Variants in MDFIC observed in about 807,000 individuals in gnomAD.
MDFIC encodes MyoD family inhibitor domain containing, also known as myoD family inhibitor domain-containing protein.
In MDFIC, 17 loss-of-function variants were observed where a neutral mutation model predicts 23.2. The ratio of observed to expected loss-of-function variants is 0.73; its 90% CI spans 0.50 to 1.10. The LOEUF is 1.10. MDFIC is among the 50% of genes least tolerant of loss of function. The pLI, the probability that MDFIC is intolerant of heterozygous loss-of-function variation, is 0.00. For synonymous variants in MDFIC, 120 were observed against 115.2 expected, an observed-to-expected ratio of 1.04 and a Z score of -0.27; for missense variants, 356 against 316.6, an observed-to-expected ratio of 1.12 and a Z score of -0.95.
At chr7:114,960,631 T>C (rs1792972237) in intron 3 of MDFIC, among the ~76,000 whole-genome samples, 1 of 152,158 alleles carries the variant, frequency 6.6e-6, no homozygotes, top group South Asian at 2.1e-4. Flanking sequence ...ACAAGAATAT[T>C]ATAAGTACCA....
chr7:115,007,464 C>T (rs902052369), intron 4 of MDFIC, among the ~76,000 whole-genome samples: 50 of 151,416 alleles, frequency 3.3e-4, no homozygotes, highest in African/African-American at 1.2e-3. Context: ...TATTTTCTAG[C>T]CTTTCTTTCC....
intron 3 of MDFIC, among the ~76,000 whole-genome samples, chr7:114,961,170 G>A (rs2115863230): frequency 6.6e-6 from 1 of 152,276 alleles, no homozygotes; most frequent in Non-Finnish European, 1.5e-5. Flanking sequence ...GAAATTGACT[G>A]CCTAAAGGAT....
At chr7:114,961,478 A>C (rs1165298461) in intron 3 of MDFIC, among the ~76,000 whole-genome samples, 1 of 152,132 alleles carries the variant, frequency 6.6e-6, no homozygotes, top group East Asian at 1.9e-4. Flanking sequence ...AAAAGTGCTC[A>C]ATCACTTTTC....
Position 114,992,971 on chromosome 7 carries a change from C to T in MDFIC, c.493+13190C>T, listed in dbSNP as rs893656991. ...CTAGTAGAGGGTAGAGCTGTGAATCCGTCTGGTCCTGGACTTTTTTTGGCT... is the reference window on the plus strand; with the variant it reads ...CTAGTAGAGGGTAGAGCTGTGAATCTGTCTGGTCCTGGACTTTTTTTGGCT... On this transcript the variant is annotated intron_variant, in intron 4 of 4. Coordinates refer to ENST00000393486, the MANE Select transcript of MDFIC (RefSeq NM_001166345.3). Among the ~76,000 whole-genome samples the T allele has an allele frequency of 3.9e-5, 6 of 152,118 alleles. No homozygotes were observed. The South Asian group carries it at 6.2e-4, about 16-fold the overall frequency.
chr7:114,965,999 A>T (rs1037101188), intron 3 of MDFIC, among the ~76,000 whole-genome samples: 2 of 152,174 alleles, frequency 1.3e-5, no homozygotes, highest in Non-Finnish European at 2.9e-5. Flanking sequence ...ACAGTATGCC[A>T]AAAGGATGCT....
At chr7:115,006,661 T>C (rs949276385) in intron 4 of MDFIC, among the ~76,000 whole-genome samples, 9 of 152,104 alleles carry the variant, frequency 5.9e-5, no homozygotes, top group Non-Finnish European at 1.0e-4. Context: ...TTGGGAGAGA[T>C]TTTTTGGGTT....
At chr7:114,990,940 G>A (rs1791143657) in intron 4 of MDFIC, among the ~76,000 whole-genome samples, 1 of 151,734 alleles carries the variant, frequency 6.6e-6, no homozygotes. Context: ...TTCCACAATG[G>A]TTGAACTAGT....
At chr7:114,990,745 T>A (rs1019024362) in intron 4 of MDFIC, among the ~76,000 whole-genome samples, 1 of 152,246 alleles carries the variant, frequency 6.6e-6, no homozygotes, top group African/African-American at 2.4e-5. Flanking sequence ...ATCTAGTCTG[T>A]CACTGATGGG....
intron 3 of MDFIC, among the ~76,000 whole-genome samples, chr7:114,968,284 T>G (rs1014916125): frequency 5.9e-5 from 9 of 152,144 alleles, no homozygotes; most frequent in African/African-American, 1.9e-4. Flanking sequence ...CTCCAAAAAA[T>G]TAAAACATGG....
intron 2 of MDFIC, among the ~76,000 whole-genome samples, chr7:114,930,244 G>A (rs1792282975): frequency 6.6e-6 from 1 of 152,184 alleles, no homozygotes; most frequent in South Asian, 2.1e-4. Context: ...CAGGAGCTTG[G>A]GAAGGGAAGC....
chr7:115,004,362 A>C (rs1185828014), intron 4 of MDFIC, among the ~76,000 whole-genome samples: 2 of 152,188 alleles, frequency 1.3e-5, no homozygotes, highest in Admixed American at 6.5e-5. Context: ...TAATCCCAGC[A>C]CTTAGCCTGG....
chr7:114,924,422 T>A (rs1792151064), intron 2 of MDFIC, among the ~76,000 whole-genome samples: 1 of 152,208 alleles, frequency 6.6e-6, no homozygotes, highest in Admixed American at 6.5e-5. Flanking sequence ...GAAAATAATT[T>A]GACCTGGAAA....
At chr7:115,004,580 T>C (rs375769894) in intron 4 of MDFIC, among the ~76,000 whole-genome samples, 2 of 152,250 alleles carry the variant, frequency 1.3e-5, no homozygotes, top group East Asian at 1.9e-4. Flanking sequence ...ACCTACATTT[T>C]ACATTCCTTG....
rs1288834425 is a variant in MDFIC, at chr7:115,018,445, A to AT, written c.*2515dup. ...GAATGTTAATGGATACCAGAATTTT[A>AT]TTTTTGTATTTATGTTCATAGTACT... On this transcript the variant is annotated 3_prime_UTR_variant, in exon 5 of 5. Coordinates refer to ENST00000393486, the MANE Select transcript of MDFIC (RefSeq NM_001166345.3). 6.6e-6 allele frequency: 1 copy of AT among 152,158 alleles called. No homozygotes were observed. The highest frequency in any genetic ancestry group is 2.4e-5 in the African/African-American group (1 of 41,430). 9.4% of individuals were successfully genotyped at this position (152,158 alleles called of 1,614,324 possible).
intron 3 of MDFIC, among the ~76,000 whole-genome samples, chr7:114,970,513 G>A (rs1285834660): frequency 2.0e-5 from 3 of 151,978 alleles, no homozygotes; most frequent in Non-Finnish European, 2.9e-5. Context: ...TTGGGCTCTG[G>A]GCTATCCATA....
At chr7:114,989,429 T>A (rs937141446) in intron 4 of MDFIC, among the ~76,000 whole-genome samples, 4 of 152,118 alleles carry the variant, frequency 2.6e-5, no homozygotes, top group African/African-American at 7.2e-5. Context: ...AGGGTTGTTT[T>A]CTTGGTGTGT....
At chr7:114,966,254 C>T (rs1472959806) in intron 3 of MDFIC, among the ~76,000 whole-genome samples, 1 of 151,948 alleles carries the variant, frequency 6.6e-6, no homozygotes, top group Non-Finnish European at 1.5e-5. Flanking sequence ...CAGTGTTTTA[C>T]ATTATCAAAG....
At chr7:114,965,241 G>C (rs1452742398) in intron 3 of MDFIC, among the ~76,000 whole-genome samples, 1 of 152,182 alleles carries the variant, frequency 6.6e-6, no homozygotes, top group Non-Finnish European at 1.5e-5. Flanking sequence ...AGTGTAGCTA[G>C]AGTGTGGGAA....
intron 3 of MDFIC, among the ~76,000 whole-genome samples, chr7:114,964,712 A>G (rs1032770836): frequency 6.6e-6 from 1 of 152,066 alleles, no homozygotes; most frequent in Admixed American, 6.5e-5. Flanking sequence ...CACCACACCC[A>G]GCTAGTTTTT....
Sources: allele counts gnomAD v4.1 joint callset (sites outside exome capture counted in the v4.1 genomes callset), GRCh38; gene constraint gnomAD v4.1.1; transcripts MANE v1.5; gene names NCBI Gene and HGNC (gene_info 2026-07-23, HGNC 2026-07-21).